AUTS2: variants seen among roughly 807,000 people sequenced by gnomAD.
AUTS2 encodes activator of transcription and developmental regulator AUTS2.
AUTS2 carries 17 observed loss-of-function variants against 112.4 expected under a neutral mutation model. The observed-to-expected ratio is 0.15, with a 90% confidence interval of 0.10 to 0.23. AUTS2 has a LOEUF of 0.23. Ranked by LOEUF, AUTS2 falls within the 10% of genes least tolerant of loss-of-function variation. The pLI is 1.00. For missense variants in AUTS2, 1,510 were observed against 1,701.6 expected, an observed-to-expected ratio of 0.89 and a Z score of 1.98; for synonymous variants, 751 against 702.7, an observed-to-expected ratio of 1.07 and a Z score of -1.09.
intron 2 of AUTS2, among the ~76,000 whole-genome samples, chr7:69,979,161 G>A (rs1390197029): frequency 6.6e-6 from 1 of 152,108 alleles, no homozygotes; most frequent in Admixed American, 6.6e-5. Context: ...AAACTATTTG[G>A]GAAATTTAGA....
At chr7:70,387,334 C>T (rs1793658214) in intron 4 of AUTS2, among the ~76,000 whole-genome samples, 1 of 152,194 alleles carries the variant, frequency 6.6e-6, no homozygotes, top group South Asian at 2.1e-4. Flanking sequence ...TCTAGGTAAC[C>T]TGGAGCTCAG....
chr7:70,253,429 A>T (rs1257571821), intron 4 of AUTS2, among the ~76,000 whole-genome samples: 1 of 152,060 alleles, frequency 6.6e-6, no homozygotes, highest in Non-Finnish European at 1.5e-5. Flanking sequence ...TGATTTATGT[A>T]TCTGATTGTT....
chr7:69,877,440 G>A (rs1002580463), intron 1 of AUTS2, among the ~76,000 whole-genome samples: 5 of 152,132 alleles, frequency 3.3e-5, no homozygotes, highest in Non-Finnish European at 7.4e-5. Flanking sequence ...AAGTAATAAA[G>A]AATGAGATGC....
intron 4 of AUTS2, among the ~76,000 whole-genome samples, chr7:70,380,123 G>A (rs1297100650): frequency 6.6e-6 from 1 of 152,060 alleles, no homozygotes; most frequent in Non-Finnish European, 1.5e-5. Flanking sequence ...AGTCTTCTTG[G>A]AGCTCTTCAG....
intron 2 of AUTS2, among the ~76,000 whole-genome samples, chr7:69,951,061 A>G (rs1797007135): frequency 6.6e-6 from 1 of 152,190 alleles, no homozygotes; most frequent in Non-Finnish European, 1.5e-5. Context: ...AGCAGTGAGT[A>G]TGGCTGTAAA....
chr7:69,666,122 A>G (rs991280284), intron 1 of AUTS2, among the ~76,000 whole-genome samples: 1 of 152,204 alleles, frequency 6.6e-6, no homozygotes, highest in Admixed American at 6.5e-5. Flanking sequence ...GTGTGTGTAT[A>G]CTCACATGCA....
intron 1 of AUTS2, among the ~76,000 whole-genome samples, chr7:69,690,800 C>T (rs1360177745): frequency 1.3e-5 from 2 of 152,204 alleles, no homozygotes; most frequent in Non-Finnish European, 2.9e-5. Context: ...GTGTTACACC[C>T]CTTTCAGTCC....
chr7:69,965,598 G>A (rs767644215), intron 2 of AUTS2, among the ~76,000 whole-genome samples: 4 of 152,278 alleles, frequency 2.6e-5, no homozygotes, highest in South Asian at 4.1e-4. Context: ...TCTAAAGGAC[G>A]AGAGACTATG....
At chr7:69,721,569 T>C (rs1798943490) in intron 1 of AUTS2, among the ~76,000 whole-genome samples, 1 of 152,198 alleles carries the variant, frequency 6.6e-6, no homozygotes, top group Non-Finnish European at 1.5e-5. Context: ...TTTTAGGGTA[T>C]CTCTTGCCTA....
intron 5 of AUTS2, among the ~76,000 whole-genome samples, chr7:70,588,922 T>C (rs1462811088): frequency 6.6e-6 from 1 of 151,954 alleles, no homozygotes; most frequent in Non-Finnish European, 1.5e-5. Context: ...ATTTCTGGAG[T>C]TTTTCTTTAG....
chr7:70,147,684 G>A (rs1317421435), intron 4 of AUTS2, among the ~76,000 whole-genome samples: 1 of 152,020 alleles, frequency 6.6e-6, no homozygotes, highest in Non-Finnish European at 1.5e-5. Flanking sequence ...TGTTAATTTA[G>A]CATATAAGCC....
intron 6 of AUTS2, among the ~76,000 whole-genome samples, chr7:70,748,688 A>C (rs909676588): frequency 2.6e-5 from 4 of 152,220 alleles, no homozygotes; most frequent in Non-Finnish European, 5.9e-5. Flanking sequence ...GGGTGCTACC[A>C]ACATTTGGGA....
intron 1 of AUTS2, among the ~76,000 whole-genome samples, chr7:69,699,117 A>G (rs1756186444): frequency 3.9e-5 from 6 of 152,216 alleles, no homozygotes; most frequent in Admixed American, 3.3e-4. Flanking sequence ...CTTGAATAAT[A>G]TAACTATGTA....
chr7:70,616,419 T>C (rs557611417), intron 5 of AUTS2, among the ~76,000 whole-genome samples: 1 of 152,280 alleles, frequency 6.6e-6, no homozygotes, highest in South Asian at 2.1e-4. Flanking sequence ...CCTGGCTGAG[T>C]GCTGAGGTAC....
At chr7:70,025,004 T>C (rs1429346611) in intron 2 of AUTS2, among the ~76,000 whole-genome samples, 1 of 152,208 alleles carries the variant, frequency 6.6e-6, no homozygotes, top group Non-Finnish European at 1.5e-5. Flanking sequence ...ATCATAACAT[T>C]GTCTCATTCC....
intron 1 of AUTS2, among the ~76,000 whole-genome samples, chr7:69,607,559 G>A (rs917165401): frequency 7.9e-5 from 12 of 152,166 alleles, no homozygotes; most frequent in Non-Finnish European, 1.8e-4. Context: ...GGCCATTACA[G>A]CTCACTTTTC....
At chr7:70,415,843 C>T (rs901824504) in intron 4 of AUTS2, among the ~76,000 whole-genome samples, 1 of 152,220 alleles carries the variant, frequency 6.6e-6, no homozygotes, top group Non-Finnish European at 1.5e-5. Flanking sequence ...TGTGCACGCA[C>T]ACACAGACGT....
At chr7:70,496,740 C>G (rs1798543144) in intron 5 of AUTS2, among the ~76,000 whole-genome samples, 1 of 135,090 alleles carries the variant, frequency 7.4e-6, no homozygotes, top group Admixed American at 7.9e-5. Flanking sequence ...CACGTCACAT[C>G]AGCGTCGATC....
chr7:70,152,378 C>T (rs945145943), intron 4 of AUTS2, among the ~76,000 whole-genome samples: 1 of 150,526 alleles, frequency 6.6e-6, no homozygotes, highest in African/African-American at 2.4e-5. Flanking sequence ...TTATAAATAG[C>T]CAGGAAATAG....
Sources: gnomAD v4.1 joint callset for allele counts (sites outside exome capture counted in the v4.1 genomes callset) on GRCh38, gnomAD v4.1.1 for gene constraint, MANE v1.5 for transcripts, NCBI Gene and HGNC (gene_info 2026-07-23, HGNC 2026-07-21) for gene names.